KCNH8: variants seen among roughly 807,000 people sequenced by gnomAD.
KCNH8 encodes voltage-gated delayed rectifier potassium channel KCNH8.
Under a neutral mutation model 103.6 loss-of-function variants are expected in KCNH8, and 70 were observed. That is an observed-to-expected ratio of 0.68 (90% CI 0.56 to 0.82). KCNH8 has a LOEUF of 0.82. Among genes scored for constraint, KCNH8 ranks in the 40% least tolerant of loss-of-function variants. The pLI is 0.00. For synonymous variants in KCNH8, 498 were observed against 489.4 expected, an observed-to-expected ratio of 1.02 and a Z score of -0.23; for missense variants, 1,217 against 1,329.9, an observed-to-expected ratio of 0.92 and a Z score of 1.32.
chr3:19,165,149 A>G (rs1409314243), intron 1 of KCNH8, among the ~76,000 whole-genome samples: 5 of 152,190 alleles, frequency 3.3e-5, no homozygotes, highest in African/African-American at 1.2e-4. Context: ...ATTGTACATG[A>G]ATTGTACTTC....
chr3:19,167,614 G>A (rs1349888775), intron 1 of KCNH8, among the ~76,000 whole-genome samples: 2 of 152,030 alleles, frequency 1.3e-5, no homozygotes, highest in Non-Finnish European at 2.9e-5. Flanking sequence ...AATACTTAAG[G>A]CACGAGAATC....
intron 11 of KCNH8, among the ~76,000 whole-genome samples, chr3:19,479,226 T>C (rs1485029138): frequency 6.6e-6 from 1 of 152,102 alleles, no homozygotes; most frequent in Non-Finnish European, 1.5e-5. Flanking sequence ...CCGGCTCTCG[T>C]CCAGAAACTC....
Position 19,534,149 on chromosome 3 carries a change from C to G in KCNH8, c.*50C>G. On this transcript the variant is annotated 3_prime_UTR_variant, in exon 16 of 16. Coordinates refer to ENST00000328405, the MANE Select transcript of KCNH8 (RefSeq NM_144633.3). ...TAATTTCAAACCTACCACTGCATGA[C>G]AGTTTTAGTTTGCCTTTTTGCCTCT... The G allele has an allele frequency of 7.1e-7, 1 of 1,406,490 alleles. No homozygotes were observed. Among genetic ancestry groups the G allele is most frequent in the Non-Finnish European group, 9.9e-7 (1 of 1,014,648 alleles). The allele number at this position is 1,406,490 out of a possible 1,614,324, so 87.1% of individuals were successfully genotyped here. A position where few individuals can be genotyped will look rare whatever the true frequency, so the allele number is the denominator to read the frequency against.
rs374478036 is a variant in KCNH8, at chr3:19,390,486, A to G, written c.817A>G (p.Ile273Val). The change falls in exon 6 of 16, where the codon ATT becomes GTT. Residue 273 changes from isoleucine to valine, a missense_variant. Around this residue, in one of 3 missense-constraint regions of KCNH8, gnomAD observed 415 missense variants for 577.4 expected, o/e 0.72. Coordinates refer to ENST00000328405, the MANE Select transcript of KCNH8 (RefSeq NM_144633.3). The part of the protein sequence containing the change: ...AVEILFIIDI[I>V]LNFRTTYVSK... Reference sequence around the variant, plus strand: ...ACCTTTTTTTTCCCAAGCAGATATTATTTTAAATTTCCGAACAACTTATGT... The same window carrying G: ...ACCTTTTTTTTCCCAAGCAGATATTGTTTTAAATTTCCGAACAACTTATGT... 6.2e-7 allele frequency: 1 copy of G among 1,607,218 alleles called. No homozygotes were observed. The highest frequency in any genetic ancestry group is 8.5e-7 in the Non-Finnish European group (1 of 1,176,480).
chr3:19,208,328 A>G (rs2063736906), intron 1 of KCNH8, among the ~76,000 whole-genome samples: 1 of 152,002 alleles, frequency 6.6e-6, no homozygotes, highest in Admixed American at 6.6e-5. Flanking sequence ...AAATGTTGTT[A>G]TGTTTATTCC....
rs146354353 is a variant in KCNH8, at chr3:19,180,629, A to T, written c.76+31834A>T. On this transcript the variant is annotated intron_variant, in intron 1 of 15. Transcript: ENST00000328405. Reference sequence around the variant, plus strand: ...TTCAAAATTGCTATTGTGGCTTTACAATCTGGTTCACTATACTTACAAAGC... The same window carrying T: ...TTCAAAATTGCTATTGTGGCTTTACTATCTGGTTCACTATACTTACAAAGC... 3.0e-4 allele frequency among the ~76,000 whole-genome samples: 46 copies of T among 152,254 alleles called. 1 individual carries two copies. The East Asian group carries it at 8.3e-3, about 28-fold the overall frequency.
At chr3:19,349,109 T>C (rs2065765992) in intron 5 of KCNH8, among the ~76,000 whole-genome samples, 2 of 152,036 alleles carry the variant, frequency 1.3e-5, no homozygotes, top group Admixed American at 6.6e-5. Context: ...GTGGTAGCTA[T>C]AGTGTGTTTA....
chr3:19,177,157 C>G (rs1559409920), intron 1 of KCNH8, among the ~76,000 whole-genome samples: 1 of 151,988 alleles, frequency 6.6e-6, no homozygotes, highest in Non-Finnish European at 1.5e-5. Flanking sequence ...ATGCAAAAAA[C>G]ACGGCACTAA....
At chr3:19,500,926 C>G (rs1451868490) in intron 11 of KCNH8, among the ~76,000 whole-genome samples, 1 of 152,044 alleles carries the variant, frequency 6.6e-6, no homozygotes, top group Non-Finnish European at 1.5e-5. Flanking sequence ...TAACTAAGAT[C>G]AGAGCAGAAC....
Position 19,375,613 on chromosome 3 carries a change from G to A in KCNH8, c.812-14868G>A, listed in dbSNP as rs933768264. Among the ~76,000 whole-genome samples, 7 of 152,208 alleles carry A rather than the reference G, an allele frequency of 4.6e-5. No homozygotes were observed. In the East Asian group the frequency reaches 1.4e-3, roughly 30 times the overall value. On this transcript the variant is annotated intron_variant, in intron 5 of 15. Transcript: ENST00000328405. ...AGCCTTCTTCTCTCAGCTCGTCAAA[G>A]TCATTCTCCATCCAGCTTTGTTCCG...
chr3:19,360,861 A>AT (rs1332257564), intron 5 of KCNH8, among the ~76,000 whole-genome samples: 1 of 152,114 alleles, frequency 6.6e-6, no homozygotes, highest in Non-Finnish European at 1.5e-5. Flanking sequence ...ATTTACAATA[A>AT]TTCCATTGAG....
At chr3:19,410,059 A>G (rs200292091) in intron 7 of KCNH8, among the ~76,000 whole-genome samples, 1 of 152,160 alleles carries the variant, frequency 6.6e-6, no homozygotes, top group East Asian at 1.9e-4. Flanking sequence ...CCCATCAACT[A>G]TAGAATATAT....
At chr3:19,357,079 T>G (rs1322182239) in intron 5 of KCNH8, among the ~76,000 whole-genome samples, 2 of 151,894 alleles carry the variant, frequency 1.3e-5, no homozygotes, top group Non-Finnish European at 2.9e-5. Flanking sequence ...TCTAAACCAT[T>G]GCTAATTTCA....
intron 6 of KCNH8, among the ~76,000 whole-genome samples, chr3:19,394,695 A>T (rs2066488923): frequency 6.6e-6 from 1 of 152,034 alleles, no homozygotes; most frequent in South Asian, 2.1e-4. Context: ...TGTCTGAATT[A>T]TTATTATAAA....
intron 7 of KCNH8, among the ~76,000 whole-genome samples, chr3:19,416,809 G>C (rs1425544725): frequency 6.6e-6 from 1 of 152,120 alleles, no homozygotes; most frequent in Non-Finnish European, 1.5e-5. Context: ...GCACATGGCT[G>C]AATTTTTAAA....
intron 5 of KCNH8, among the ~76,000 whole-genome samples, chr3:19,387,323 A>G (rs2125128689): frequency 6.6e-6 from 1 of 152,264 alleles, no homozygotes; most frequent in South Asian, 2.1e-4. Context: ...TGCAGTAATC[A>G]TTTAGATAAT....
chr3:19,499,246 A>G (rs1379295077), intron 11 of KCNH8, among the ~76,000 whole-genome samples: 1 of 152,150 alleles, frequency 6.6e-6, no homozygotes, highest in South Asian at 2.1e-4. Flanking sequence ...GAGAAAAAAG[A>G]ATAAAAAGAA....
chr3:19,363,465 C>A (rs549298654), intron 5 of KCNH8, among the ~76,000 whole-genome samples: 2 of 152,278 alleles, frequency 1.3e-5, no homozygotes, highest in African/African-American at 4.8e-5. Context: ...GGCTTAATCA[C>A]CAGCTTGAGT....
At chr3:19,205,662 G>T (rs1359709690) in intron 1 of KCNH8, among the ~76,000 whole-genome samples, 1 of 151,854 alleles carries the variant, frequency 6.6e-6, no homozygotes, top group Non-Finnish European at 1.5e-5. Flanking sequence ...GGGTGGTGGG[G>T]AGCAGTAATA....
Sources: gnomAD v4.1 joint callset for allele counts (sites outside exome capture counted in the v4.1 genomes callset) on GRCh38, gnomAD v4.1.1 for gene constraint, gnomAD v4.1.1 regional missense constraint, MANE v1.5 for transcripts, NCBI Gene and HGNC (gene_info 2026-07-23, HGNC 2026-07-21) for gene names.